Variants in EMILIN2 observed in about 807,000 individuals in gnomAD.
EMILIN2 encodes EMILIN-2.
EMILIN2 carries 71 observed loss-of-function variants against 87.1 expected under a neutral mutation model. That is an observed-to-expected ratio of 0.82 (90% CI 0.67 to 0.99). The LOEUF (loss-of-function observed/expected upper bound fraction) is 0.99, where lower values mean the gene tolerates loss of function less well. Ranked by LOEUF, EMILIN2 falls within the 50% of genes least tolerant of loss-of-function variation. The probability of loss-of-function intolerance (pLI) is 0.00; values close to 1 mark genes in which losing one functional copy is unlikely to be tolerated. For missense variants in EMILIN2, 1,407 were observed against 1,371.8 expected (o/e 1.03, Z -0.40); for synonymous variants, 581 against 563.4 (o/e 1.03, Z -0.44).
rs1568476843 is a variant in EMILIN2, at chr18:2,892,148, G to A, written c.2021G>A (p.Trp674Ter). 6.2e-7 allele frequency: 1 copy of A among 1,608,528 alleles called. No individual in the cohort carries two copies. The highest frequency in any genetic ancestry group is 1.7e-5 in the Admixed American group (1 of 59,738). ...TGCTGCAGTCAGCTGGAGGAGAGGT[G>A]GCAGAGGTTGCAGAGCCAGGTCATC... ...AHCCSQLEER[W>*]QRLQSQVISE... The change falls in exon 4 of 8, where the codon TGG becomes TAG. Residue 674 changes from tryptophan to a stop codon, truncating the protein, a stop_gained. Transcript: ENST00000254528. LOFTEE classifies it high-confidence loss of function.
chr18:2,880,365 C>G lies in EMILIN2; in HGVS notation c.258-4599C>G, dbSNP rs1013557352. The stretch of plus-strand genomic sequence containing the variant: ...TGCTGAACCCATTAAAATGGGAAAC[C>G]CTTGTTTTCACCTCCGAAAAGGGTT... On this transcript the variant is annotated intron_variant, in intron 2 of 7. Coordinates refer to ENST00000254528, the MANE Select transcript of EMILIN2 (RefSeq NM_032048.3). The surrounding 1 kb of genome is among the most constrained non-coding windows in gnomAD (Gnocchi z 4.1). 6.6e-6 allele frequency among the ~76,000 whole-genome samples: 1 copy of G among 152,186 alleles called. No homozygotes were observed. The highest frequency in any genetic ancestry group is 1.5e-5 in the Non-Finnish European group (1 of 68,038).
intron 2 of EMILIN2, among the ~76,000 whole-genome samples, chr18:2,873,670 G>A (rs988434560): frequency 6.6e-6 from 1 of 152,072 alleles, no homozygotes; most frequent in Non-Finnish European, 1.5e-5. Flanking sequence ...TCGCGTCACT[G>A]CACTCCAGCC....
chr18:2,913,604 G>A lies in EMILIN2; in HGVS notation c.*200G>A. ...AGGGAGTGAGGCACACGGTGAACATGGCCACTGACTTTTCTGCCACTCTAA... is the reference window on the plus strand; with the variant it reads ...AGGGAGTGAGGCACACGGTGAACATAGCCACTGACTTTTCTGCCACTCTAA... On this transcript the variant is annotated 3_prime_UTR_variant, in exon 8 of 8. Coordinates refer to ENST00000254528, the MANE Select transcript of EMILIN2 (RefSeq NM_032048.3). The A allele has an allele frequency of 1.8e-6, 1 of 543,710 alleles. No individual in the cohort carries two copies. Among genetic ancestry groups the A allele is most frequent in the Non-Finnish European group, 3.2e-6 (1 of 311,098 alleles). The allele number at this position is 543,710 out of a possible 1,614,324, so 33.7% of individuals were successfully genotyped here. A position where few individuals can be genotyped will look rare whatever the true frequency, so the allele number is the denominator to read the frequency against.
At chr18:2,856,980 T>A (rs975513927) in intron 2 of EMILIN2, among the ~76,000 whole-genome samples, 1 of 152,182 alleles carries the variant, frequency 6.6e-6, no homozygotes, top group Non-Finnish European at 1.5e-5. Flanking sequence ...TGATGAGGGC[T>A]GAAACAAAGT....
chr18:2,867,506 AGT>A (rs1415708858), intron 2 of EMILIN2, among the ~76,000 whole-genome samples: 1 of 152,178 alleles, frequency 6.6e-6, no homozygotes, highest in African/African-American at 2.4e-5. Context: ...GGCCTTCCGC[AGT>A]GTTTGTGTCC....
Position 2,907,068 on chromosome 18 carries a change from G to T in EMILIN2, c.2645G>T (p.Gly882Val). The T allele has an allele frequency of 8.0e-7, 1 of 1,255,062 alleles. No individual in the cohort carries two copies. The highest frequency in any genetic ancestry group is 1.0e-6 in the Non-Finnish European group (1 of 1,002,672). 77.7% of individuals were successfully genotyped at this position (1,255,062 alleles called of 1,614,324 possible). ...TGSGTVPGAEGFAGAPGYPKS... is the reference protein window; with the variant it reads ...TGSGTVPGAEVFAGAPGYPKS... ...AGCGGCACCGTCCCCGGCGCAGAAG[G>T]CTTCGCGGGCGCACCAGGTGAGGCC... Residue 882 changes from glycine (G) to valine (V), a missense_variant, in exon 5 of 8, where the codon GGC (glycine) becomes GTC (valine). Transcript: ENST00000254528.
Position 2,848,681 on chromosome 18 carries a change from T to A in EMILIN2, c.257+750T>A, listed in dbSNP as rs2076588857. On this transcript the variant is annotated intron_variant, in intron 2 of 7. Coordinates refer to ENST00000254528, the MANE Select transcript of EMILIN2 (RefSeq NM_032048.3). This position sits in a 1 kb window ranked among gnomAD's most constrained non-coding sequence, Gnocchi z 4.1. ...CATTCAATTGTCATCAGGCAAGTCT[T>A]TGGGGGTTTTGTATCAGTCTGATAC... 2.0e-3 allele frequency among the ~76,000 whole-genome samples: 1 copy of A among 510 alleles called. No individual in the cohort carries two copies. Among genetic ancestry groups the A allele is most frequent in the East Asian group, 0.036 (1 of 28 alleles). 0.3% of individuals were successfully genotyped at this position (510 alleles called of 152,430 possible). A position where few individuals can be genotyped will look rare whatever the true frequency, so the allele number is the denominator to read the frequency against.
chr18:2,884,669 A>G (rs16943974), intron 2 of EMILIN2, among the ~76,000 whole-genome samples: 5,422 of 152,352 alleles, frequency 0.036, 324 homozygotes, highest in African/African-American at 0.12. Flanking sequence ...GCTGAAAAGT[A>G]TCCTTCTCAA....
At chr18:2,868,088 G>A (rs527948602) in intron 2 of EMILIN2, among the ~76,000 whole-genome samples, 21 of 152,234 alleles carry the variant, frequency 1.4e-4, no homozygotes, top group East Asian at 3.9e-4. Flanking sequence ...CAGATGGAGC[G>A]GCTGCCGGGT....
At chr18:2,908,530 CCCAT>C (rs1169687898) in intron 5 of EMILIN2, among the ~76,000 whole-genome samples, 2 of 152,244 alleles carry the variant, frequency 1.3e-5, no homozygotes, top group African/African-American at 4.8e-5. Flanking sequence ...TCTGCACCCA[CCCAT>C]CCATGCCTCC....
chr18:2,906,719 G>A, intron 4 of EMILIN2, 64 bp from the exon 5 acceptor site: 2 of 1,183,668 alleles, frequency 1.7e-6, no homozygotes, highest in Non-Finnish European at 2.1e-6. Flanking sequence ...AGGGGACCCT[G>A]ACGGGGCAGT....
chr18:2,900,310 C>T (rs1250907606), intron 4 of EMILIN2, among the ~76,000 whole-genome samples: 1 of 152,164 alleles, frequency 6.6e-6, no homozygotes, highest in African/African-American at 2.4e-5. Context: ...GCGTCAGCCT[C>T]CTGAATAGCC....
intron 4 of EMILIN2, chr18:2,906,186 C>G (rs958769143): frequency 6.6e-6 from 1 of 152,266 alleles, no homozygotes; most frequent in African/African-American, 2.4e-5. Context: ...GAGGAAAGGG[C>G]GGCAGCTTCC....
rs186733798 is a variant in EMILIN2, at chr18:2,888,485, G to A, written c.434-2076G>A. Among the ~76,000 whole-genome samples, 1,520 of 152,172 alleles carry A rather than the reference G, an allele frequency of 1.0e-2. 14 individuals carry two copies. Among genetic ancestry groups the A allele is most frequent in the South Asian group, 0.036 (173 of 4,812 alleles). ...AATCCCAGCACTTTGGGAGGCCGAG[G>A]CGGGTGGATCACAAGGTCAGGAGAT... On this transcript the variant is annotated intron_variant, in intron 3 of 7. Transcript: ENST00000254528.
At chr18:2,869,786 T>TGTTTG (rs1568461094) in intron 2 of EMILIN2, among the ~76,000 whole-genome samples, 1 of 59,068 alleles carries the variant, frequency 1.7e-5, no homozygotes, top group Admixed American at 2.0e-4. Context: ...GTGTGTGTGT[T>TGTTTG]TGTGTGTGTG....
At chr18:2,909,926 G>T in intron 7 of EMILIN2, 107 bp downstream of exon 7, 1 of 1,488,360 alleles carries the variant, frequency 6.7e-7, no homozygotes, top group Non-Finnish European at 9.1e-7. Context: ...GGCTCAGGGA[G>T]GACGCCACCC....
chr18:2,868,781 C>G (rs1200771348), intron 2 of EMILIN2, among the ~76,000 whole-genome samples: 2 of 151,424 alleles, frequency 1.3e-5, no homozygotes, highest in Non-Finnish European at 2.9e-5. Context: ...CAGACGGAGA[C>G]CGTGGAAAGA....
At chr18:2,874,907 T>C (rs1206765565) in intron 2 of EMILIN2, among the ~76,000 whole-genome samples, 2 of 152,238 alleles carry the variant, frequency 1.3e-5, no homozygotes, top group African/African-American at 4.8e-5. Flanking sequence ...TTTAAGAGCT[T>C]GTCAGCATCT....
intron 2 of EMILIN2, among the ~76,000 whole-genome samples, chr18:2,856,140 T>G (rs79623450): frequency 0.1 from 15,763 of 152,166 alleles, 909 homozygotes; most frequent in Middle Eastern, 0.18. Context: ...CTCGGGAGGC[T>G]GAGGCGGGAG....
Sources: gnomAD v4.1 joint callset for allele counts (sites outside exome capture counted in the v4.1 genomes callset) on GRCh38, gnomAD v4.1.1 for gene constraint, Gnocchi (gnomAD v3.1) non-coding constraint, MANE v1.5 for transcripts, NCBI Gene and HGNC (gene_info 2026-07-23, HGNC 2026-07-21) for gene names.